The following UCHL1 variants were observed in gnomAD, a reference collection of about 807,000 sequenced individuals.
UCHL1 encodes ubiquitin C-terminal hydrolase L1, also known as ubiquitin carboxyl-terminal hydrolase isozyme L1.
A neutral mutation model predicts 33.3 loss-of-function variants in UCHL1; 5 were observed. That is an observed-to-expected ratio of 0.15 (90% CI 0.08 to 0.32). The LOEUF is 0.32. UCHL1 is among the 10% of genes least tolerant of loss of function. The pLI is 1.00. For synonymous variants in UCHL1, 132 were observed against 108.8 expected, an observed-to-expected ratio of 1.21 and a Z score of -1.33; for missense variants, 236 against 280.0, an observed-to-expected ratio of 0.84 and a Z score of 1.12.
rs531493890 is a variant in UCHL1 at position 41,263,013 on chromosome 4, C to T, written c.460-212C>T. 2.0e-5 allele frequency among the ~76,000 whole-genome samples: 3 copies of T among 152,286 alleles called. No homozygotes were observed. In the East Asian group the frequency reaches 5.8e-4, roughly 29 times the overall value. On this transcript the variant is annotated intron_variant, in intron 6 of 8. Coordinates refer to ENST00000284440, the MANE Select transcript of UCHL1 (RefSeq NM_004181.5). ...CTCAATTTTCTCCTCAGTAAAAATCCTGTAGTAATAGCATCCTCATAGAGT... is the reference window on the plus strand; with the variant it reads ...CTCAATTTTCTCCTCAGTAAAAATCTTGTAGTAATAGCATCCTCATAGAGT...
chr4:41,267,176 A>G (rs10517003), intron 8 of UCHL1, among the ~76,000 whole-genome samples: 26,377 of 152,042 alleles, frequency 0.17, 2,588 homozygotes, highest in Non-Finnish European at 0.22. Flanking sequence ...TTCACCATCA[A>G]TCTCTAAGGT....
chr4:41,262,664 A>G (rs773038933), intron 6 of UCHL1, among the ~76,000 whole-genome samples: 4 of 149,786 alleles, frequency 2.7e-5, no homozygotes, highest in Non-Finnish European at 5.9e-5. Context: ...GTCAGCCTCC[A>G]TTTCCCAGGC....
At chr4:41,264,349 G>T in intron 8 of UCHL1, 188 bp downstream of exon 8, 1 of 698,998 alleles carries the variant, frequency 1.4e-6, no homozygotes, top group Non-Finnish European at 2.5e-6. Flanking sequence ...TTTTAAACAG[G>T]GCTTCAGAGA....
chr4:41,267,283 G>T (rs1009144197), intron 8 of UCHL1, among the ~76,000 whole-genome samples: 13 of 151,272 alleles, frequency 8.6e-5, no homozygotes, highest in Non-Finnish European at 1.6e-4. Flanking sequence ...TCGCTCTGTC[G>T]CCCAGGCTGG....
intron 4 of UCHL1, 24 bp downstream of exon 4, chr4:41,260,821 C>T (rs1260874790): frequency 1.1e-5 from 17 of 1,613,876 alleles, no homozygotes; most frequent in Middle Eastern, 1.6e-4. Context: ...TTGAGGCCAG[C>T]CATCCTAAGC....
intron 1 of UCHL1, 31 bp from the exon 2 acceptor site, chr4:41,257,084 T>G (rs1482114055): frequency 6.2e-7 from 1 of 1,612,954 alleles, no homozygotes; most frequent in Non-Finnish European, 8.5e-7. Flanking sequence ...ATCGGTTCGG[T>G]TTTGCCTTTT....
chr4:41,265,572 C>G (rs1781138634), intron 8 of UCHL1, among the ~76,000 whole-genome samples: 1 of 148,692 alleles, frequency 6.7e-6, no homozygotes, highest in African/African-American at 2.4e-5. Flanking sequence ...GAGCAAGACT[C>G]TGTCTCAGAA....
At chr4:41,267,919 C>T in intron 8 of UCHL1, 68 bp from the exon 9 acceptor site, 8 of 1,384,306 alleles carry the variant, frequency 5.8e-6, no homozygotes, top group Non-Finnish European at 8.1e-6. Flanking sequence ...GACCTTGGAG[C>T]CTTTCCCTAT....
At chr4:41,267,858 C>T (rs895272062) in intron 8 of UCHL1, 129 bp from the exon 9 acceptor site, 1 of 868,948 alleles carries the variant, frequency 1.2e-6, no homozygotes, top group Admixed American at 2.0e-5. Flanking sequence ...CCCTGGTTTT[C>T]AAATTAATGA....
Position 41,263,977 on chromosome 4 carries a change from C to A in UCHL1, c.527-126C>A, listed in dbSNP as rs3756000. On this transcript the variant is annotated intron_variant, in intron 7 of 8. Transcript: ENST00000284440. ...TCATTTGCAGCCTCTTGCTTCATAACCAGGCTTCCTTCTGTGGGTTTGGCA... is the reference window on the plus strand; with the variant it reads ...TCATTTGCAGCCTCTTGCTTCATAAACAGGCTTCCTTCTGTGGGTTTGGCA... 0.14 allele frequency: 167,404 copies of A among 1,223,848 alleles called. 15,384 individuals carry two copies. The highest frequency in any genetic ancestry group is 0.45 in the East Asian group (19,010 of 42,580). The allele number at this position is 1,223,848 out of a possible 1,614,324, so 75.8% of individuals were successfully genotyped here.
At chr4:41,262,488 G>A (rs1190789745) in intron 6 of UCHL1, among the ~76,000 whole-genome samples, 1 of 152,132 alleles carries the variant, frequency 6.6e-6, no homozygotes, top group Non-Finnish European at 1.5e-5. Flanking sequence ...TAGTAAGTGA[G>A]CATTTCAAAT....
Position 41,257,146 on chromosome 4 carries a change from G to C in UCHL1, c.45+20G>C. ...AACAAAGTGAGTGGCGTCTCGCGCC[G>C]TCTCTGGCCCCCTCCCCCGCGAGCG... On this transcript the variant is annotated intron_variant, in intron 2 of 8. Transcript: ENST00000284440. 6.2e-7 allele frequency: 1 copy of C among 1,612,136 alleles called. No homozygotes were observed.
intron 3 of UCHL1, among the ~76,000 whole-genome samples, chr4:41,259,974 C>G (rs1396751651): frequency 6.6e-6 from 1 of 152,182 alleles, no homozygotes; most frequent in Non-Finnish European, 1.5e-5. Flanking sequence ...TATCCTCCTC[C>G]TCAAATTGCC....
At chr4:41,261,404 G>A (rs1781066184) in intron 4 of UCHL1, among the ~76,000 whole-genome samples, 1 of 152,166 alleles carries the variant, frequency 6.6e-6, no homozygotes, top group Non-Finnish European at 1.5e-5. Flanking sequence ...AAGAATTGCT[G>A]TGAAAAAGTG....
intron 8 of UCHL1, 64 bp downstream of exon 8, chr4:41,264,225 T>C (rs1401152678): frequency 6.3e-7 from 1 of 1,599,986 alleles, no homozygotes. Flanking sequence ...TTTTCTATTC[T>C]AAAGTGCTAA....
At chr4:41,264,494 C>G (rs933717444) in intron 8 of UCHL1, 10 of 399,832 alleles carry the variant, frequency 2.5e-5, no homozygotes, top group African/African-American at 4.1e-5. Flanking sequence ...TAAAGACTCA[C>G]AAAACAGCAG....
At chr4:41,257,060 G>A in intron 1 of UCHL1, 51 bp downstream of exon 1, 3 of 1,614,166 alleles carry the variant, frequency 1.9e-6, no homozygotes, top group African/African-American at 1.3e-5. Flanking sequence ...GAGGGAGGGG[G>A]AGCCGAGTCG....
At chr4:41,264,004 T>TG (rs1781115003) in intron 7 of UCHL1, 99 bp from the exon 8 acceptor site, 1 of 1,504,034 alleles carries the variant, frequency 6.6e-7, no homozygotes, top group Non-Finnish European at 9.3e-7. Flanking sequence ...GGTTTGGCAG[T>TG]GGTTTTTGGA....
intron 3 of UCHL1, among the ~76,000 whole-genome samples, chr4:41,259,082 A>AT (rs1271788932): frequency 6.6e-6 from 1 of 152,216 alleles, no homozygotes; most frequent in East Asian, 1.9e-4. Context: ...TTTAGAGAAC[A>AT]TTCTAGTTTG....
Sources: gnomAD v4.1 joint callset for allele counts (sites outside exome capture counted in the v4.1 genomes callset) on GRCh38, gnomAD v4.1.1 for gene constraint, MANE v1.5 for transcripts, NCBI Gene and HGNC (gene_info 2026-07-23, HGNC 2026-07-21) for gene names.